Variants in BOD1 observed in about 807,000 individuals in gnomAD.
The protein encoded by BOD1 is biorientation of chromosomes in cell division 1, also known as biorientation of chromosomes in cell division protein 1.
A neutral mutation model predicts 15.7 loss-of-function variants in BOD1; 11 were observed. That is an observed-to-expected ratio of 0.70 (90% confidence interval 0.44 to 1.16). BOD1 has a LOEUF of 1.16. Among genes scored for constraint, BOD1 ranks in the 50% most tolerant of loss-of-function variants. The pLI is 0.00. For synonymous variants in BOD1, 105 were observed against 103.5 expected, an observed-to-expected ratio of 1.01 and a Z score of -0.09; for missense variants, 182 against 244.5, an observed-to-expected ratio of 0.74 and a Z score of 1.70.
intron 3 of BOD1, 116 bp from the exon 4 acceptor site, chr5:173,608,408 C>T: frequency 1.2e-6 from 1 of 826,608 alleles, no homozygotes; most frequent in East Asian, 2.6e-5. Flanking sequence ...GAATGTTTTA[C>T]ACTCCATATT....
At chr5:173,614,913 T>C (rs569748550) in intron 1 of BOD1, 1 of 152,394 alleles carries the variant, frequency 6.6e-6, no homozygotes, top group South Asian at 2.1e-4. Flanking sequence ...AAATAGGGGT[T>C]ACCTGAACAC....
intron 2 of BOD1, among the ~76,000 whole-genome samples, chr5:173,612,669 T>A (rs1051102233): frequency 1.3e-5 from 2 of 152,254 alleles, no homozygotes; most frequent in Non-Finnish European, 2.9e-5. Context: ...GATACTTTAT[T>A]AAGACTATGC....
At chr5:173,611,203 A>T (rs1457756824) in intron 2 of BOD1, among the ~76,000 whole-genome samples, 3 of 152,228 alleles carry the variant, frequency 2.0e-5, no homozygotes, top group Admixed American at 6.5e-5. Context: ...TACAAGATGG[A>T]AAAAACAAAT....
rs548238064 is a variant in BOD1, at chr5:173,616,348, G to A, written c.89C>T (p.Thr30Ile). Residue 30 changes from threonine (T) to isoleucine (I), a missense_variant, in exon 1 of 4, where the codon ACT (threonine) becomes ATT (isoleucine). Physicochemically the swap from Thr to Ile is moderately conservative, Grantham distance 89 (BLOSUM62 -1). This residue lies in a region of BOD1 where 72 missense variants were observed against 68.9 expected (regional missense o/e 1.05). Transcript: ENST00000311086. ...GGGGCCACCGCCCCCGCTGGCCCCA[G>A]TAGCGCCAGTCGCTGCCCCGGCAGA... ...QASAGAATGA[T>I]GASGGGGPIN... The A allele has an allele frequency of 2.4e-5, 36 of 1,527,632 alleles. No individual in the cohort carries two copies. In the Admixed American group the frequency reaches 6.1e-4, roughly 26 times the overall value. 94.6% of individuals were successfully genotyped at this position (1,527,632 alleles called of 1,614,324 possible).
chr5:173,613,371 C>T (rs1755407344), intron 1 of BOD1, 116 bp from the exon 2 acceptor site: 2 of 1,251,060 alleles, frequency 1.6e-6, no homozygotes, highest in Admixed American at 1.9e-5. Flanking sequence ...TACACTTCCA[C>T]TGTGCATGAA....
chr5:173,609,898 A>C (rs1456473664), intron 2 of BOD1, among the ~76,000 whole-genome samples: 2 of 152,244 alleles, frequency 1.3e-5, no homozygotes, highest in African/African-American at 4.8e-5. Flanking sequence ...TAAAATTTAA[A>C]CAAGGCCGAT....
intron 2 of BOD1, among the ~76,000 whole-genome samples, chr5:173,611,660 G>A (rs1340666269): frequency 2.6e-5 from 4 of 152,306 alleles, no homozygotes; most frequent in East Asian, 1.9e-4. Context: ...AGGCTGTTTC[G>A]GGGGTGTGAG....
At chr5:173,609,018 C>G (rs893706806) in intron 3 of BOD1, among the ~76,000 whole-genome samples, 1 of 152,218 alleles carries the variant, frequency 6.6e-6, no homozygotes, top group Non-Finnish European at 1.5e-5. Flanking sequence ...CTATCCATAG[C>G]TTACATGTTT....
chr5:173,616,014 T>C (rs1755486087), intron 1 of BOD1, among the ~76,000 whole-genome samples, 186 bp downstream of exon 1: 1 of 152,216 alleles, frequency 6.6e-6, no homozygotes, highest in Non-Finnish European at 1.5e-5. Context: ...GTAGTAAATG[T>C]ATCAGGCAGG....
chr5:173,610,836 G>C (rs1003318976), intron 2 of BOD1, among the ~76,000 whole-genome samples: 1 of 152,188 alleles, frequency 6.6e-6, no homozygotes, highest in Non-Finnish European at 1.5e-5. Flanking sequence ...TCGGGTCATG[G>C]GGGCAGAGCC....
intron 2 of BOD1, 57 bp downstream of exon 2, chr5:173,613,074 T>G: frequency 6.3e-7 from 1 of 1,591,714 alleles, no homozygotes; most frequent in South Asian, 1.1e-5. Context: ...TCAACCTTCT[T>G]GTGCATCACA....
intron 1 of BOD1, among the ~76,000 whole-genome samples, chr5:173,613,612 G>A (rs1036941522): frequency 2.0e-5 from 3 of 152,192 alleles, no homozygotes; most frequent in Admixed American, 2.0e-4. Flanking sequence ...TAGACCTGCC[G>A]CCCCATGAAC....
rs1755229952 is a variant in BOD1 at position 173,607,442 on chromosome 5, C to T, written c.*852G>A. 1 of 152,200 alleles carries T rather than the reference C, an allele frequency of 6.6e-6. No homozygotes were observed. Among genetic ancestry groups the T allele is most frequent in the African/African-American group, 2.4e-5 (1 of 41,440 alleles). The allele number at this position is 152,200 out of a possible 1,614,324, so 9.4% of individuals were successfully genotyped here. A position where few individuals can be genotyped will look rare whatever the true frequency, so the allele number is the denominator to read the frequency against. On this transcript the variant is annotated 3_prime_UTR_variant, in exon 4 of 4. Transcript: ENST00000311086. ...GTACCAATCTTCACTGCCAGTAGATCATGTGTGGTGCACAGAGGCAGAAGA... is the reference window on the plus strand; with the variant it reads ...GTACCAATCTTCACTGCCAGTAGATTATGTGTGGTGCACAGAGGCAGAAGA...
chr5:173,609,583 A>G (rs1441946734), intron 2 of BOD1, 149 bp from the exon 3 acceptor site: 2 of 705,306 alleles, frequency 2.8e-6, no homozygotes, highest in Non-Finnish European at 4.7e-6. Context: ...CTTACCATAT[A>G]CAGCTCACGC....
At position 173,614,936 on chromosome 5, in the gene BOD1, A is replaced by G. The variant is rs1354082900; in HGVS notation, c.237+1264T>C. ...GTTACCTGAACACAAGTACTTCCAT[A>G]CCGCAACAATTGGGTAAATGAAACC... On this transcript the variant is annotated intron_variant, in intron 1 of 3. Transcript: ENST00000311086. 4 of 152,392 alleles carry G rather than the reference A, an allele frequency of 2.6e-5. No homozygotes were observed. The East Asian group carries it at 7.7e-4, about 29-fold the overall frequency. 9.4% of individuals were successfully genotyped at this position (152,392 alleles called of 1,614,324 possible). A position where few individuals can be genotyped will look rare whatever the true frequency, so the allele number is the denominator to read the frequency against.
chr5:173,616,227 C>T lies in BOD1; in HGVS notation c.210G>A (p.Arg70=), dbSNP rs1295217079. ...TGGTGTCCACGTCGGCCAGGCAGTC[C>T]CGGCGGAAGCTGTCAAAAAGGCCCC... is the stretch of plus-strand genomic sequence containing the variant. The part of the protein sequence containing the change: ...KSRGLFDSFR[R]DCLADVDTKP... Residue 70 remains arginine (R), a synonymous_variant, in exon 1 of 4, where the codon CGG becomes CGA. Transcript: ENST00000311086. 11 of 1,576,700 alleles carry T rather than the reference C, an allele frequency of 7.0e-6. No homozygotes were observed. The highest frequency in any genetic ancestry group is 2.7e-5 in the African/African-American group (2 of 73,724).
At chr5:173,613,068 C>A in intron 2 of BOD1, 63 bp downstream of exon 2, 1 of 1,526,236 alleles carries the variant, frequency 6.6e-7, no homozygotes, top group Non-Finnish European at 8.9e-7. Context: ...GAGACCTCAA[C>A]CTTCTTGTGC....
chr5:173,612,115 T>C (rs2113334076), intron 2 of BOD1, among the ~76,000 whole-genome samples: 1 of 152,386 alleles, frequency 6.6e-6, no homozygotes, highest in East Asian at 1.9e-4. Context: ...GACAAGGCAC[T>C]GGGCATCTTC....
In BOD1 at chr5:173,609,265, G is replaced by A. The variant is rs750647389; in HGVS notation, c.532C>T (p.Pro178Ser). ...PPPEPEGQDP[P>S]APSQDTS ...TAGGAAGTGTCCTGAGATGGAGCTG[G>A]AGGGTCCTGGCCTTCGGGCTCTGGA... The change falls in exon 3 of 4, where the codon CCA becomes TCA. Residue 178 changes from proline to serine, a missense_variant. Pro to Ser is a moderately conservative substitution (Grantham distance 74). Around this residue, in one of 3 missense-constraint regions of BOD1, gnomAD observed 40 missense variants for 45.3 expected, o/e 0.88. Transcript: ENST00000311086. 5.0e-6 allele frequency: 8 copies of A among 1,614,176 alleles called. No homozygotes were observed. In the Admixed American group the frequency reaches 1.2e-4, roughly 24 times the overall value.
Sources: allele counts gnomAD v4.1 joint callset (sites outside exome capture counted in the v4.1 genomes callset), GRCh38; gene constraint gnomAD v4.1.1; regional missense constraint gnomAD v4.1.1; transcripts MANE v1.5; gene names NCBI Gene and HGNC (gene_info 2026-07-23, HGNC 2026-07-21).